The following USP34 variants were observed in gnomAD, a reference collection of about 807,000 sequenced individuals.
USP34 encodes ubiquitin specific peptidase 34.
Under a neutral mutation model 460.3 loss-of-function variants are expected in USP34, and 70 were observed. The ratio of observed to expected loss-of-function variants is 0.15; its 90% confidence interval spans 0.13 to 0.19. The LOEUF (loss-of-function observed/expected upper bound fraction) is 0.19. Among genes scored for constraint, USP34 ranks in the 10% least tolerant of loss-of-function variants. The probability of loss-of-function intolerance (pLI) is 1.00; values close to 1 mark genes in which losing one functional copy is unlikely to be tolerated. For synonymous variants in USP34, 1,647 were observed against 1,405.3 expected (o/e 1.17, Z -3.85); for missense variants, 3,985 against 4,236.2 (o/e 0.94, Z 1.65).
intron 10 of USP34, among the ~76,000 whole-genome samples, chr2:61,369,566 C>T (rs1030176893): frequency 1.4e-5 from 2 of 143,428 alleles, no homozygotes; most frequent in Admixed American, 7.3e-5. Context: ...TCACTTGAAC[C>T]GGGGAGGCGG....
intron 10 of USP34, among the ~76,000 whole-genome samples, chr2:61,354,356 G>A (rs1185548242): frequency 6.6e-6 from 1 of 152,172 alleles, no homozygotes; most frequent in African/African-American, 2.4e-5. Flanking sequence ...TATTCAAGGG[G>A]CTAAAAGAAA....
chr2:61,440,874 T>C (rs899204270), intron 1 of USP34, among the ~76,000 whole-genome samples: 5 of 151,344 alleles, frequency 3.3e-5, no homozygotes, highest in Admixed American at 3.3e-4. Flanking sequence ...ACGCCTGTAA[T>C]CTCAGCACTA....
intron 15 of USP34, among the ~76,000 whole-genome samples, chr2:61,346,999 G>C (rs1299793944): frequency 1.3e-5 from 2 of 151,936 alleles, no homozygotes; most frequent in Non-Finnish European, 2.9e-5. Context: ...AAGTAGCCAG[G>C]CATGGTGGTG....
At chr2:61,289,548 A>G (rs1417499550) in intron 33 of USP34, among the ~76,000 whole-genome samples, 2 of 152,106 alleles carry the variant, frequency 1.3e-5, no homozygotes, top group African/African-American at 2.4e-5. Context: ...TTTTTCTTCA[A>G]AAGTTCTTAA....
intron 16 of USP34, among the ~76,000 whole-genome samples, chr2:61,340,281 ATAC>A (rs1391128350): frequency 6.6e-6 from 1 of 152,194 alleles, no homozygotes; most frequent in Non-Finnish European, 1.5e-5. Context: ...TTTTATAGAA[ATAC>A]TACATTTTGT....
intron 3 of USP34, among the ~76,000 whole-genome samples, chr2:61,397,685 T>G (rs1034407425): frequency 1.3e-5 from 2 of 151,486 alleles, no homozygotes; most frequent in African/African-American, 4.9e-5. Flanking sequence ...CGGATCATGA[T>G]GTCAGGAGAT....
At chr2:61,288,646 T>G in intron 34 of USP34, 31 bp downstream of exon 34, 1 of 1,596,170 alleles carries the variant, frequency 6.3e-7, no homozygotes, top group Non-Finnish European at 8.6e-7. Flanking sequence ...TAAATGGAAT[T>G]CATCATTAAA....
At position 61,370,504 on chromosome 2, in the gene USP34, A is replaced by G; in HGVS notation, c.1152T>C (p.His384=). 1 of 1,613,854 alleles carries G rather than the reference A, an allele frequency of 6.2e-7. No homozygotes were observed. The highest frequency in any genetic ancestry group is 8.5e-7 in the Non-Finnish European group (1 of 1,179,884). Residue 384 remains histidine, a synonymous_variant, in exon 9 of 80, where the codon CAT becomes CAC. Coordinates refer to ENST00000398571, the MANE Select transcript of USP34 (RefSeq NM_014709.4). ...VVEHIFGPNL[H]IEIIKQCQVI... ...TATGTAATCATCCACAAACCTCAAT[A>G]TGTAAATTTGGTCCAAATATATGCT...
chr2:61,306,645 T>G (rs967294326), intron 27 of USP34, among the ~76,000 whole-genome samples: 3 of 152,176 alleles, frequency 2.0e-5, no homozygotes, highest in African/African-American at 4.8e-5. Flanking sequence ...ATCTATAAAT[T>G]ACCTTGGTCA....
intron 9 of USP34, 38 bp from the exon 10 acceptor site, chr2:61,370,451 T>G: frequency 1.2e-6 from 2 of 1,612,852 alleles, no homozygotes; most frequent in Non-Finnish European, 1.7e-6. Flanking sequence ...TTTAAAAATA[T>G]TCTTCTCTAT....
intron 1 of USP34, among the ~76,000 whole-genome samples, chr2:61,449,627 C>A (rs1695213053): frequency 6.6e-6 from 1 of 151,696 alleles, no homozygotes; most frequent in Non-Finnish European, 1.5e-5. Flanking sequence ...ACATACAGAT[C>A]AATGAAACAG....
chr2:61,218,696 T>G (rs1303935659), intron 67 of USP34, among the ~76,000 whole-genome samples: 1 of 152,126 alleles, frequency 6.6e-6, no homozygotes, highest in East Asian at 1.9e-4. Context: ...CTTTACAGTT[T>G]CAAGGAATAC....
At chr2:61,412,495 T>C (rs1016543248) in intron 2 of USP34, among the ~76,000 whole-genome samples, 3 of 151,942 alleles carry the variant, frequency 2.0e-5, no homozygotes, top group Non-Finnish European at 4.4e-5. Context: ...TCATTTACAG[T>C]TTAAAAACCA....
chr2:61,188,576 C>A lies in USP34; in HGVS notation c.10167G>T (p.Glu3389Asp). ...GATCAATAATTGAGGAGTCTCTGGTCTCATTGTCAGAAGTGCTCGTTGGGG... is the reference window on the plus strand; with the variant it reads ...GATCAATAATTGAGGAGTCTCTGGTATCATTGTCAGAAGTGCTCGTTGGGG... ...VLTPTSTSDN[E>D]TRDSSIIDPG... is the part of the protein sequence containing the mutation. Residue 3389 changes from glutamate to aspartate, a missense_variant, in exon 80 of 80, where the codon GAG becomes GAT. Glu to Asp is a conservative substitution (Grantham distance 45). This residue lies in a region of USP34 where 506 missense variants were observed against 439.0 expected (regional missense o/e 1.15). Transcript: ENST00000398571. 1 of 1,614,190 alleles carries A rather than the reference C, an allele frequency of 6.2e-7. No individual in the cohort carries two copies. Among genetic ancestry groups the A allele is most frequent in the Non-Finnish European group, 8.5e-7 (1 of 1,180,038 alleles).
chr2:61,461,393 CAAA>C (rs1695596104), intron 1 of USP34, among the ~76,000 whole-genome samples: 1 of 138,282 alleles, frequency 7.2e-6, no homozygotes, highest in African/African-American at 2.7e-5. Flanking sequence ...AATTCCGCCT[CAAA>C]AAAATAAAAA....
intron 12 of USP34, among the ~76,000 whole-genome samples, chr2:61,349,701 C>T (rs559762769): frequency 7.9e-5 from 12 of 151,998 alleles, no homozygotes; most frequent in Admixed American, 1.3e-4. Flanking sequence ...ATTAGCTGGG[C>T]GTGGTGGCGG....
At chr2:61,266,239 A>G (rs1050272775) in intron 41 of USP34, 72 bp from the exon 42 acceptor site, 7 of 1,355,248 alleles carry the variant, frequency 5.2e-6, no homozygotes, top group South Asian at 1.5e-5. Flanking sequence ...TAACATATAC[A>G]CAGGATGACA....
At chr2:61,433,534 T>G (rs1053344837) in intron 1 of USP34, among the ~76,000 whole-genome samples, 11 of 152,124 alleles carry the variant, frequency 7.2e-5, no homozygotes, top group Non-Finnish European at 1.2e-4. Flanking sequence ...CTGAGGAGGC[T>G]GAGGCAGGAG....
At chr2:61,293,899 C>T (rs1445544401) in intron 32 of USP34, among the ~76,000 whole-genome samples, 1 of 152,062 alleles carries the variant, frequency 6.6e-6, no homozygotes, top group Non-Finnish European at 1.5e-5. Context: ...CCTATAGTTT[C>T]AGCTACTAGG....
Sources: gnomAD v4.1 joint callset for allele counts (sites outside exome capture counted in the v4.1 genomes callset) on GRCh38, gnomAD v4.1.1 for gene constraint, gnomAD v4.1.1 regional missense constraint, MANE v1.5 for transcripts, NCBI Gene and HGNC (gene_info 2026-07-23, HGNC 2026-07-21) for gene names.